Variants in RGS6 observed in about 807,000 individuals in gnomAD.
RGS6 encodes regulator of G-protein signaling 6.
In RGS6, 30 loss-of-function variants were observed where a neutral mutation model predicts 78.5. The ratio of observed to expected loss-of-function variants is 0.38; its 90% CI spans 0.29 to 0.52. The LOEUF (loss-of-function observed/expected upper bound fraction) is 0.52, where lower values mean the gene tolerates loss of function less well. RGS6 is among the 20% of genes least tolerant of loss of function. The pLI, the probability that RGS6 is intolerant of heterozygous loss-of-function variation, is 0.85. For missense variants in RGS6, 495 were observed against 609.7 expected (o/e 0.81, Z 1.98); for synonymous variants, 206 against 206.0 (o/e 1.00, Z 0.00).
At chr14:72,263,428 A>G (rs951456960) in intron 2 of RGS6, among the ~76,000 whole-genome samples, 1 of 152,166 alleles carries the variant, frequency 6.6e-6, no homozygotes, top group African/African-American at 2.4e-5. Flanking sequence ...GGCTGTTGAC[A>G]TGATGGCTGT....
intron 2 of RGS6, among the ~76,000 whole-genome samples, chr14:72,228,504 T>A (rs923239372): frequency 6.6e-6 from 1 of 152,172 alleles, no homozygotes; most frequent in East Asian, 1.9e-4. Flanking sequence ...GCCATTAGAT[T>A]TGTATTTGAG....
chr14:71,950,445 G>GT (rs1193478418), intron 1 of RGS6, among the ~76,000 whole-genome samples: 1 of 152,074 alleles, frequency 6.6e-6, no homozygotes, highest in Non-Finnish European at 1.5e-5. Flanking sequence ...AAGATGTAAA[G>GT]TAAAACCAAA....
the RGS6 span, among the ~76,000 whole-genome samples, chr14:72,605,828 C>T: frequency 2.0e-5 from 3 of 152,224 alleles, no homozygotes. Context: ...GAGGTGACCT[C>T]CCATCATCAC....
At chr14:72,309,833 C>A (rs2068119020) in intron 2 of RGS6, among the ~76,000 whole-genome samples, 1 of 152,162 alleles carries the variant, frequency 6.6e-6, no homozygotes, top group African/African-American at 2.4e-5. Flanking sequence ...TATGTATTGC[C>A]CTGTATGATC....
At chr14:72,235,911 TG>T (rs764497036) in intron 2 of RGS6, among the ~76,000 whole-genome samples, 3 of 152,246 alleles carry the variant, frequency 2.0e-5, no homozygotes, top group Non-Finnish European at 4.4e-5. Flanking sequence ...TTTAAATCTT[TG>T]TAAGGGCTAT....
At chr14:72,629,865 T>C in the RGS6 span, 2 of 744,994 alleles carry the variant, frequency 2.7e-6, no homozygotes, top group South Asian at 1.7e-5. Flanking sequence ...GGGAAAAAAA[T>C]GGGGACCCAA....
At chr14:71,964,703 C>A (rs529214264) in intron 1 of RGS6, 69 bp from the exon 2 acceptor site, 5 of 1,049,252 alleles carry the variant, frequency 4.8e-6, no homozygotes, top group Non-Finnish European at 6.9e-6. Flanking sequence ...TTACTTAATT[C>A]TTTGCATTTC....
intron 2 of RGS6, among the ~76,000 whole-genome samples, chr14:72,233,136 A>G (rs893106855): frequency 1.3e-5 from 2 of 152,168 alleles, no homozygotes; most frequent in African/African-American, 4.8e-5. Flanking sequence ...TGTTCATCCT[A>G]GTCAGGTCCT....
intron 14 of RGS6, among the ~76,000 whole-genome samples, chr14:72,514,556 G>A (rs1214040581): frequency 2.6e-5 from 4 of 152,232 alleles, no homozygotes; most frequent in African/African-American, 9.6e-5. Flanking sequence ...AGCCCAGGCT[G>A]CCTCGCTCCA....
chr14:72,557,950 C>T (rs1229301643), intron 17 of RGS6, among the ~76,000 whole-genome samples: 2 of 152,096 alleles, frequency 1.3e-5, no homozygotes, highest in African/African-American at 4.8e-5. Flanking sequence ...TGGGAAATTC[C>T]AAGGCATAGA....
chr14:72,286,877 A>G (rs2062663285), intron 2 of RGS6, among the ~76,000 whole-genome samples: 1 of 149,924 alleles, frequency 6.7e-6, no homozygotes, highest in South Asian at 2.1e-4. Context: ...TCCACCTCTC[A>G]GGTTCAAGCA....
chr14:72,009,651 A>G (rs769432180), intron 2 of RGS6, among the ~76,000 whole-genome samples: 1 of 152,166 alleles, frequency 6.6e-6, no homozygotes, highest in Non-Finnish European at 1.5e-5. Flanking sequence ...AGGACCTCCA[A>G]CCCAGAGCTC....
intron 2 of RGS6, among the ~76,000 whole-genome samples, chr14:72,196,193 C>A (rs761187554): frequency 2.6e-5 from 4 of 152,012 alleles, no homozygotes; most frequent in Non-Finnish European, 4.4e-5. Context: ...TGGGAGGGTA[C>A]AATGAGAGGA....
At chr14:72,574,575 C>T in the RGS6 span, among the ~76,000 whole-genome samples, 1 of 152,192 alleles carries the variant, frequency 6.6e-6, no homozygotes, top group Non-Finnish European at 1.5e-5. Flanking sequence ...TGTTATGCCA[C>T]CTACTAAGCT....
chr14:72,186,280 CTAAGTGTATTTT>C (rs1371968818), intron 2 of RGS6, among the ~76,000 whole-genome samples: 1 of 152,214 alleles, frequency 6.6e-6, no homozygotes, highest in African/African-American at 2.4e-5. Context: ...TATGTTATTT[CTAAGTGTATTTT>C]GCTGGGCATT....
intron 1 of RGS6, among the ~76,000 whole-genome samples, chr14:71,951,292 A>G (rs2092292782): frequency 6.6e-6 from 1 of 152,174 alleles, no homozygotes; most frequent in South Asian, 2.1e-4. Flanking sequence ...TATCCCCAGC[A>G]AACAAACGCA....
At chr14:71,948,435 G>T (rs987296291) in intron 1 of RGS6, among the ~76,000 whole-genome samples, 1 of 152,184 alleles carries the variant, frequency 6.6e-6, no homozygotes, top group African/African-American at 2.4e-5. Context: ...ATCACTGTAT[G>T]TGAGAGGGCT....
In RGS6 at chr14:72,220,781, T is replaced by C. The variant is rs567316966; in HGVS notation, c.85-131314T>C. Among the ~76,000 whole-genome samples, 3 of 152,342 alleles carry C rather than the reference T, an allele frequency of 2.0e-5. No homozygotes were observed. The East Asian group carries it at 5.8e-4, about 29-fold the overall frequency. On this transcript the variant is annotated intron_variant, in intron 2 of 17. Coordinates refer to ENST00000553525, the MANE Select transcript of RGS6 (RefSeq NM_001204424.2). ...TCGTCTTTTATAGCAACAAGGTTGATGAACTTGAACATCAAACATATGCTC... is the reference window on the plus strand; with the variant it reads ...TCGTCTTTTATAGCAACAAGGTTGACGAACTTGAACATCAAACATATGCTC...
In RGS6 at chr14:72,365,107, C is replaced by T. The variant is rs535290948; in HGVS notation, c.184+12913C>T. Among the ~76,000 whole-genome samples the T allele has an allele frequency of 2.6e-5, 4 of 152,210 alleles. No individual in the cohort carries two copies. The South Asian group carries it at 6.2e-4, about 24-fold the overall frequency. ...ACCAAATAAATCAACAAACACATAG[C>T]AATATGCGGATGTGTACCTTTGTAG... On this transcript the variant is annotated intron_variant, in intron 3 of 17. Transcript: ENST00000553525.
Sources: gnomAD v4.1 joint callset for allele counts (sites outside exome capture counted in the v4.1 genomes callset) on GRCh38, gnomAD v4.1.1 for gene constraint, MANE v1.5 for transcripts, NCBI Gene and HGNC (gene_info 2026-07-23, HGNC 2026-07-21) for gene names.